STK32B: variants seen among roughly 807,000 people sequenced by gnomAD.
STK32B encodes serine/threonine-protein kinase 32B.
STK32B carries 43 observed loss-of-function variants against 52.6 expected under a neutral mutation model. The ratio of observed to expected loss-of-function variants is 0.82; its 90% CI spans 0.64 to 1.05. The LOEUF is 1.05. STK32B is among the 50% of genes least tolerant of loss of function. The probability of loss-of-function intolerance (pLI) is 0.00; values close to 1 mark genes in which losing one functional copy is unlikely to be tolerated. For missense variants in STK32B, 621 were observed against 534.6 expected, an observed-to-expected ratio of 1.16 and a Z score of -1.59; for synonymous variants, 238 against 204.3, an observed-to-expected ratio of 1.17 and a Z score of -1.41.
At chr4:5,212,375 A>T (rs535954033) in intron 3 of STK32B, among the ~76,000 whole-genome samples, 2 of 152,274 alleles carry the variant, frequency 1.3e-5, no homozygotes, top group East Asian at 3.9e-4. Context: ...CAAAACAAGC[A>T]ATTTTTCCCT....
intron 3 of STK32B, among the ~76,000 whole-genome samples, chr4:5,245,248 G>A (rs558335081): frequency 1.6e-4 from 24 of 152,332 alleles, no homozygotes; most frequent in African/African-American, 5.5e-4. Flanking sequence ...CTTGCTTTAT[G>A]AATCTGGGTG....
At chr4:5,092,480 C>T (rs925633438) in intron 1 of STK32B, among the ~76,000 whole-genome samples, 2 of 151,166 alleles carry the variant, frequency 1.3e-5, no homozygotes, top group African/African-American at 4.9e-5. Flanking sequence ...TGCAGTGAGC[C>T]TCTGAGATTG....
rs550032419 is a variant in STK32B, at chr4:5,224,532, G to A, written c.260+56082G>A. Reference sequence around the variant, plus strand: ...CCAAGCTCCCCCTTGGGATTTCTCTGGAGACTTGGCTTGATATCACATATT... The same window carrying A: ...CCAAGCTCCCCCTTGGGATTTCTCTAGAGACTTGGCTTGATATCACATATT... On this transcript the variant is annotated intron_variant, in intron 3 of 11. Transcript: ENST00000282908. Among the ~76,000 whole-genome samples the A allele has an allele frequency of 5.9e-5, 9 of 152,296 alleles. No homozygotes were observed. In the South Asian group the frequency reaches 6.2e-4, roughly 11 times the overall value.
chr4:5,222,804 T>C (rs558116813), intron 3 of STK32B, among the ~76,000 whole-genome samples: 16 of 152,278 alleles, frequency 1.1e-4, no homozygotes, highest in African/African-American at 3.1e-4. Context: ...AGCCTGGCCA[T>C]GTATACAGTA....
intron 4 of STK32B, among the ~76,000 whole-genome samples, chr4:5,346,017 CT>C (rs2108977863): frequency 1.3e-5 from 2 of 152,228 alleles, no homozygotes; most frequent in Admixed American, 1.3e-4. Flanking sequence ...TATTGAAATG[CT>C]TGTGGGTGTA....
intron 2 of STK32B, among the ~76,000 whole-genome samples, chr4:5,141,146 T>A (rs1430391966): frequency 6.6e-6 from 1 of 152,238 alleles, no homozygotes; most frequent in Non-Finnish European, 1.5e-5. Context: ...GCACACTAGC[T>A]GCATTTTAAG....
At chr4:5,466,590 A>G (rs1717451075) in intron 9 of STK32B, 113 bp from the exon 10 acceptor site, 20 of 1,369,198 alleles carry the variant, frequency 1.5e-5, no homozygotes, top group Non-Finnish European at 2.0e-5. Context: ...GTATCCAACA[A>G]GAGTAAGTTC....
At chr4:5,429,063 A>G (rs914354865) in intron 6 of STK32B, among the ~76,000 whole-genome samples, 5 of 152,214 alleles carry the variant, frequency 3.3e-5, no homozygotes, top group African/African-American at 1.2e-4. Flanking sequence ...CAAGTTAGCA[A>G]TGAGACATCA....
intron 4 of STK32B, among the ~76,000 whole-genome samples, chr4:5,361,491 C>T (rs1403322801): frequency 6.6e-6 from 1 of 152,220 alleles, no homozygotes; most frequent in Admixed American, 6.5e-5. Context: ...CGCACCTCAG[C>T]ATCCCAAGTA....
chr4:5,489,777 A>C (rs1306470411), intron 11 of STK32B, among the ~76,000 whole-genome samples: 2 of 152,070 alleles, frequency 1.3e-5, no homozygotes, highest in Non-Finnish European at 2.9e-5. Flanking sequence ...CGTGACATGA[A>C]CTTTATAAAA....
intron 2 of STK32B, among the ~76,000 whole-genome samples, chr4:5,141,019 G>A (rs766396039): frequency 6.6e-6 from 1 of 152,208 alleles, no homozygotes. Context: ...GAGAGTAGCA[G>A]GGAGAAGTTG....
chr4:5,269,624 A>G (rs1378423812), intron 3 of STK32B, among the ~76,000 whole-genome samples: 2 of 152,200 alleles, frequency 1.3e-5, no homozygotes, highest in Non-Finnish European at 2.9e-5. Context: ...AAAATAGATG[A>G]ATTTTGTAAA....
At chr4:5,139,664 G>A (rs534323559) in intron 1 of STK32B, 2 of 527,382 alleles carry the variant, frequency 3.8e-6, no homozygotes, top group African/African-American at 1.9e-5. Flanking sequence ...AGACTGCAGA[G>A]CCTCATCAAG....
Position 5,173,578 on chromosome 4 carries a change from G to C in STK32B, c.260+5128G>C, listed in dbSNP as rs577733026. 3.3e-5 allele frequency among the ~76,000 whole-genome samples: 5 copies of C among 152,262 alleles called. No homozygotes were observed. The East Asian group carries it at 9.6e-4, about 29-fold the overall frequency. On this transcript the variant is annotated intron_variant, in intron 3 of 11. Coordinates refer to ENST00000282908, the MANE Select transcript of STK32B (RefSeq NM_018401.3). ...CGTTATGTACCCAGTAGTCATTCAG[G>C]AGCAGGTTGTTAAGTTTCCATGTAG...
At chr4:5,259,690 T>C (rs1415937834) in intron 3 of STK32B, among the ~76,000 whole-genome samples, 3 of 152,202 alleles carry the variant, frequency 2.0e-5, no homozygotes, top group Non-Finnish European at 2.9e-5. Flanking sequence ...TTCTTTCTAA[T>C]AGCCTTTAGG....
chr4:5,033,713 C>T, the STK32B span, among the ~76,000 whole-genome samples: 2 of 152,212 alleles, frequency 1.3e-5, no homozygotes, highest in African/African-American at 4.8e-5. Context: ...AGTGCACTCT[C>T]TGTTTACAAC....
intron 1 of STK32B, among the ~76,000 whole-genome samples, chr4:5,127,362 G>C (rs1233235023): frequency 2.0e-5 from 3 of 152,192 alleles, no homozygotes; most frequent in Non-Finnish European, 4.4e-5. Context: ...CTTGAGTGCA[G>C]AGGGCAGAGG....
chr4:5,329,224 T>C (rs1732069219), intron 3 of STK32B, among the ~76,000 whole-genome samples: 1 of 152,108 alleles, frequency 6.6e-6, no homozygotes, highest in Non-Finnish European at 1.5e-5. Context: ...CCTGTGAGTC[T>C]CTGATAGGAG....
chr4:5,242,082 G>GT (rs1406980164), intron 3 of STK32B, among the ~76,000 whole-genome samples: 129 of 152,256 alleles, frequency 8.5e-4, no homozygotes, highest in African/African-American at 2.7e-3. Flanking sequence ...AACCCTTTGG[G>GT]TATATACCCA....
Sources: allele counts gnomAD v4.1 joint callset (sites outside exome capture counted in the v4.1 genomes callset), GRCh38; gene constraint gnomAD v4.1.1; transcripts MANE v1.5; gene names NCBI Gene and HGNC (gene_info 2026-07-23, HGNC 2026-07-21).